DMD: variants seen among roughly 807,000 people sequenced by gnomAD.
DMD encodes the protein dystrophin.
In DMD, 63 loss-of-function variants were observed where a neutral mutation model predicts 330.1. The observed-to-expected ratio is 0.19, with a 90% CI of 0.16 to 0.24. The LOEUF (loss-of-function observed/expected upper bound fraction) is 0.24. DMD is among the 10% of genes least tolerant of loss of function. The pLI is 1.00. For missense variants in DMD, 3,344 were observed against 2,684.1 expected (o/e 1.25, Z -5.43); for synonymous variants, 1,223 against 959.8 (o/e 1.27, Z -5.07).
chrX:31,448,646 C>T (rs2065464365), intron 59 of DMD, among the ~76,000 whole-genome samples: 1 of 112,152 alleles, frequency 8.9e-6, no homozygotes, highest in Non-Finnish European at 1.9e-5. Context: ...ATCAGGATTG[C>T]ATTAGGTTTT....
chrX:31,233,047 C>G (rs57756542), intron 63 of DMD, among the ~76,000 whole-genome samples: 3,146 of 111,787 alleles, frequency 0.028, 94 homozygotes, highest in African/African-American at 0.096. Context: ...CCCTATATAT[C>G]ATATTCTTCA....
intron 45 of DMD, among the ~76,000 whole-genome samples, chrX:31,967,193 A>G (rs913443847): frequency 6.6e-4 from 73 of 110,398 alleles, no homozygotes; most frequent in South Asian, 1.1e-3. Flanking sequence ...TACAAAGTTT[A>G]GTTCTTTATT....
intron 6 of DMD, among the ~76,000 whole-genome samples, chrX:32,812,220 G>T (rs773701397): frequency 9.0e-6 from 1 of 110,888 alleles, no homozygotes; most frequent in South Asian, 3.8e-4. Context: ...TAGAATATTT[G>T]AATCTATTAA....
intron 20 of DMD, among the ~76,000 whole-genome samples, chrX:32,488,340 G>T (rs182231754): frequency 9.0e-6 from 1 of 110,639 alleles, no homozygotes; most frequent in Non-Finnish European, 1.9e-5. Context: ...CACAGGAAAG[G>T]GTTCATGAAT....
chrX:32,548,721 C>T (rs1251137335), intron 16 of DMD, among the ~76,000 whole-genome samples: 2 of 111,508 alleles, frequency 1.8e-5, no homozygotes, highest in Non-Finnish European at 3.8e-5. Flanking sequence ...CAAAATGTTG[C>T]ATTTGTAAGC....
intron 7 of DMD, among the ~76,000 whole-genome samples, chrX:32,766,763 A>T (rs1202424854): frequency 8.9e-6 from 1 of 111,742 alleles, no homozygotes; most frequent in Non-Finnish European, 1.9e-5. Context: ...CTAAGAGAGT[A>T]CACTTCAAAT....
At chrX:31,486,251 A>T (rs2068798182) in intron 57 of DMD, among the ~76,000 whole-genome samples, 1 of 112,640 alleles carries the variant, frequency 8.9e-6, no homozygotes, top group African/African-American at 3.2e-5. Context: ...CTCAGTAAAC[A>T]TTGTTGACTA....
At chrX:32,637,146 G>A (rs908739614) in intron 11 of DMD, among the ~76,000 whole-genome samples, 3 of 111,680 alleles carry the variant, frequency 2.7e-5, no homozygotes, top group Non-Finnish European at 5.6e-5. Context: ...AATATATCAC[G>A]TTTGGAAGAC....
chrX:33,081,007 C>CAA (rs374907182), intron 1 of DMD, among the ~76,000 whole-genome samples: 31 of 97,998 alleles, frequency 3.2e-4, no homozygotes, highest in African/African-American at 1.2e-3. Context: ...CACACACACA[C>CAA]AAAAACACAT....
chrX:31,558,788 T>G (rs2075011250), intron 55 of DMD, among the ~76,000 whole-genome samples: 1 of 110,936 alleles, frequency 9.0e-6, no homozygotes, highest in African/African-American at 3.3e-5. Flanking sequence ...TCTTCTTTTT[T>G]CCCCTACAAT....
chrX:31,490,069 T>C (rs1161798410), intron 57 of DMD, among the ~76,000 whole-genome samples: 2 of 112,264 alleles, frequency 1.8e-5, no homozygotes, highest in Non-Finnish European at 1.9e-5. Context: ...AATGCAGTTC[T>C]AAAAATAATT....
rs1369473698 is a variant in DMD, at chrX:32,190,751, G to C, written c.6438+26165C>G. 4.6e-5 allele frequency among the ~76,000 whole-genome samples: 5 copies of C among 108,344 alleles called. No homozygotes were observed. The Admixed American group carries it at 5.0e-4, about 11-fold the overall frequency. 94.1% of individuals were successfully genotyped at this position (108,344 alleles called of 115,157 possible). ...CATTCGAAATCTTCAGGTTTTGATA[G>C]TTTTGTTTTACATCCGTGTTAAAGA... On this transcript the variant is annotated intron_variant, in intron 44 of 78. Transcript: ENST00000357033.
At chrX:31,901,278 C>A (rs1427677273) in intron 47 of DMD, among the ~76,000 whole-genome samples, 1 of 111,488 alleles carries the variant, frequency 9.0e-6, no homozygotes. Flanking sequence ...CCAAACATAC[C>A]TTTTCAATGT....
intron 5 of DMD, among the ~76,000 whole-genome samples, chrX:32,822,245 T>A (rs1307555670): frequency 9.0e-6 from 1 of 111,084 alleles, no homozygotes; most frequent in Non-Finnish European, 1.9e-5. Flanking sequence ...AAGAAATACA[T>A]ACACATTTAT....
chrX:32,136,361 A>T (rs72626015), intron 44 of DMD, among the ~76,000 whole-genome samples: 2,263 of 112,380 alleles, frequency 0.02, 96 homozygotes, highest in Admixed American at 0.14. Flanking sequence ...TTATACTAGA[A>T]TAATATCATT....
chrX:31,338,960 A>C (rs1039455919), intron 61 of DMD, among the ~76,000 whole-genome samples: 2 of 109,600 alleles, frequency 1.8e-5, no homozygotes, highest in South Asian at 3.9e-4. Context: ...AAAAAAAAAA[A>C]AAAAACAAAG....
chrX:32,544,721 A>C (rs1161867871), intron 17 of DMD, among the ~76,000 whole-genome samples: 1 of 110,628 alleles, frequency 9.0e-6, no homozygotes, highest in Non-Finnish European at 1.9e-5. Flanking sequence ...ATGTTCTCGT[A>C]AACTACCAGG....
intron 66 of DMD, among the ~76,000 whole-genome samples, chrX:31,206,206 G>A (rs1041913081): frequency 1.8e-5 from 2 of 112,278 alleles, no homozygotes; most frequent in African/African-American, 6.5e-5. Flanking sequence ...ATGTCACATG[G>A]TATTCTTTAA....
chrX:31,239,783 C>T (rs926946931), intron 63 of DMD, among the ~76,000 whole-genome samples: 11 of 111,825 alleles, frequency 9.8e-5, no homozygotes, highest in Admixed American at 4.8e-4. Flanking sequence ...CCTCCTAACC[C>T]GCTCTGACAT....
Sources: allele counts gnomAD v4.1 joint callset (sites outside exome capture counted in the v4.1 genomes callset), GRCh38; gene constraint gnomAD v4.1.1; transcripts MANE v1.5; gene names NCBI Gene and HGNC (gene_info 2026-07-23, HGNC 2026-07-21).